The following GRK6 variants were observed in gnomAD, a reference collection of about 807,000 sequenced individuals.
GRK6 encodes G protein-coupled receptor kinase 6.
GRK6 carries 37 observed loss-of-function variants against 80.8 expected under a neutral mutation model. The ratio of observed to expected loss-of-function variants is 0.46; its 90% confidence interval spans 0.35 to 0.60. The LOEUF (loss-of-function observed/expected upper bound fraction) is 0.60, where lower values mean the gene tolerates loss of function less well. Among genes scored for constraint, GRK6 ranks in the 20% least tolerant of loss-of-function variants. The probability of loss-of-function intolerance (pLI) is 0.00; values close to 1 mark genes in which losing one functional copy is unlikely to be tolerated. For missense variants in GRK6, 560 were observed against 784.6 expected (o/e 0.71, Z 3.42); for synonymous variants, 295 against 320.9 (o/e 0.92, Z 0.86).
intron 1 of GRK6, 175 bp from the exon 2 acceptor site, chr5:177,430,697 C>T (rs539660863): frequency 3.9e-5 from 24 of 612,378 alleles, no homozygotes; most frequent in South Asian, 2.8e-4. Flanking sequence ...AGGAGAAGCA[C>T]GTGTGTCCTG....
intron 7 of GRK6, 46 bp from the exon 8 acceptor site, chr5:177,433,490 C>T: frequency 1.2e-6 from 2 of 1,612,546 alleles, no homozygotes; most frequent in Non-Finnish European, 1.7e-6. Context: ...GGATGCCCAG[C>T]AATGGCACAG....
intron 1 of GRK6, among the ~76,000 whole-genome samples, chr5:177,430,021 G>GTT (rs35292164): frequency 7.8e-4 from 114 of 146,896 alleles, no homozygotes; most frequent in African/African-American, 2.8e-3. Context: ...GCTGCAGTGA[G>GTT]TTTTTTTTTT....
intron 15 of GRK6, 75 bp downstream of exon 15, chr5:177,441,128 C>T: frequency 6.4e-7 from 1 of 1,568,750 alleles, no homozygotes; most frequent in Non-Finnish European, 8.7e-7. Flanking sequence ...AGAGCCGGTG[C>T]CCGCATGCGC....
At chr5:177,433,104 G>A (rs374127603) in intron 5 of GRK6, 43 bp from the exon 6 acceptor site, 2 of 1,542,426 alleles carry the variant, frequency 1.3e-6, no homozygotes, top group African/African-American at 2.7e-5. Context: ...AGCCTGAGGT[G>A]TCAGGGGCTG....
In GRK6 at chr5:177,428,312, T is replaced by C. The variant is rs1763752471; in HGVS notation, c.52+1415T>C. The stretch of plus-strand genomic sequence containing the variant: ...GATGGCACTGCCTGGCCGGAGAGTG[T>C]GGGTACCTTTGGACAAGCTTTGTCA... On this transcript the variant is annotated intron_variant, in intron 1 of 15. Coordinates refer to ENST00000355472, the MANE Select transcript of GRK6 (RefSeq NM_001004106.3). The surrounding 1 kb of genome is among the most constrained non-coding windows in gnomAD (Gnocchi z 4.1). Among the ~76,000 whole-genome samples the C allele has an allele frequency of 6.6e-6, 1 of 152,208 alleles. No homozygotes were observed. Among genetic ancestry groups the C allele is most frequent in the African/African-American group, 2.4e-5 (1 of 41,446 alleles).
At chr5:177,441,104 G>T in intron 15 of GRK6, 51 bp downstream of exon 15, 1 of 1,600,670 alleles carries the variant, frequency 6.2e-7, no homozygotes, top group Non-Finnish European at 8.5e-7. Context: ...TCCAGGGGAC[G>T]GTGGGTGGGA....
chr5:177,436,047 C>G (rs769733363), intron 11 of GRK6, 26 bp from the exon 12 acceptor site: 1 of 1,603,722 alleles, frequency 6.2e-7, no homozygotes, highest in African/African-American at 1.3e-5. Flanking sequence ...TCCTGCCCAG[C>G]CCTAACTCCC....
In GRK6 at chr5:177,433,618, G is replaced by C; in HGVS notation, c.680G>C (p.Gly227Ala). The C allele has an allele frequency of 1.2e-6, 2 of 1,614,162 alleles. No individual in the cohort carries two copies. Among genetic ancestry groups the C allele is most frequent in the Non-Finnish European group, 1.7e-6 (2 of 1,180,030 alleles). Reference sequence around the variant, plus strand: ...AAAAAGCGGATCAAGAAGCGGAAAGGGGAGGCCATGGCGCTGAACGAGAAG... The same window carrying C: ...AAAAAGCGGATCAAGAAGCGGAAAGCGGAGGCCATGGCGCTGAACGAGAAG... The part of the protein sequence containing the change: ...LEKKRIKKRK[G>A]EAMALNEKQI... Residue 227 changes from glycine (G) to alanine (A), a missense_variant, in exon 8 of 16, where the codon GGG becomes GCG. Coordinates refer to ENST00000355472, the MANE Select transcript of GRK6 (RefSeq NM_001004106.3).
Position 177,428,168 on chromosome 5 carries a change from G to A in GRK6, c.52+1271G>A, listed in dbSNP as rs746909593. ...GGGCTAGGCCTTCCTCCCAGCCTCT[G>A]GGGGCATCTGCCGATTCTGTTCTGC... On this transcript the variant is annotated intron_variant, in intron 1 of 15. Coordinates refer to ENST00000355472, the MANE Select transcript of GRK6 (RefSeq NM_001004106.3). The surrounding 1 kb of genome is among the most constrained non-coding windows in gnomAD (Gnocchi z 4.1). Among the ~76,000 whole-genome samples the A allele has an allele frequency of 8.5e-5, 13 of 152,236 alleles. No homozygotes were observed. The highest frequency in any genetic ancestry group is 5.9e-5 in the Non-Finnish European group (4 of 68,040).
rs747152000 is a variant in GRK6 at position 177,432,362 on chromosome 5, G to A, written c.339+52G>A. 1.0e-5 allele frequency: 16 copies of A among 1,536,734 alleles called. 1 individual carries two copies. The highest frequency in any genetic ancestry group is 1.4e-5 in the Non-Finnish European group (16 of 1,111,516). On this transcript the variant is annotated intron_variant, in intron 4 of 15. Coordinates refer to ENST00000355472, the MANE Select transcript of GRK6 (RefSeq NM_001004106.3). ...TGGGAGCCACCAGAGCCCCGTGTCA[G>A]GCACAGGAGTGACCACAGTGTCAGG...
intron 13 of GRK6, 39 bp from the exon 14 acceptor site, chr5:177,440,657 CGTGT>C: frequency 2.5e-6 from 4 of 1,606,178 alleles, no homozygotes; most frequent in Non-Finnish European, 3.4e-6. Flanking sequence ...TTCGCGTGTG[CGTGT>C]GTGTGTTTCC....
chr5:177,429,311 C>A lies in GRK6; in HGVS notation c.53-1561C>A, dbSNP rs756506142. 6.6e-6 allele frequency among the ~76,000 whole-genome samples: 1 copy of A among 152,058 alleles called. No homozygotes were observed. Among genetic ancestry groups the A allele is most frequent in the African/African-American group, 2.4e-5 (1 of 41,396 alleles). On this transcript the variant is annotated intron_variant, in intron 1 of 15. Coordinates refer to ENST00000355472, the MANE Select transcript of GRK6 (RefSeq NM_001004106.3). This position sits in a 1 kb window ranked among gnomAD's most constrained non-coding sequence, Gnocchi z 4.3. ...AGGGGACAGGGAGGGTGGGGAAGAG[C>A]TCCACTGACTGGGCAGCCCAGGACA...
At position 177,433,906 on chromosome 5, in the gene GRK6, G is replaced by A. The variant is rs780788481; in HGVS notation, c.739-8G>A. Reference sequence around the variant, plus strand: ...CCTGCCTGAGGGCTCGGGTCCCCTCGGCCACAGGTGAGCTTGGCCTACGCC... The same window carrying A: ...CCTGCCTGAGGGCTCGGGTCCCCTCAGCCACAGGTGAGCTTGGCCTACGCC... On this transcript the variant is annotated splice_region_variant and splice_polypyrimidine_tract_variant and intron_variant, in intron 8 of 15. Coordinates refer to ENST00000355472, the MANE Select transcript of GRK6 (RefSeq NM_001004106.3). 1.9e-6 allele frequency: 3 copies of A among 1,553,974 alleles called. No individual in the cohort carries two copies. The highest frequency in any genetic ancestry group is 1.2e-5 in the South Asian group (1 of 82,738).
Position 177,442,042 on chromosome 5 carries a change from T to G in GRK6, c.*252T>G. 3.6e-6 allele frequency: 2 copies of G among 550,994 alleles called. No individual in the cohort carries two copies. Among genetic ancestry groups the G allele is most frequent in the South Asian group, 4.7e-5 (2 of 43,004 alleles). The allele number at this position is 550,994 out of a possible 1,614,324, so 34.1% of individuals were successfully genotyped here. A position where few individuals can be genotyped will look rare whatever the true frequency, so the allele number is the denominator to read the frequency against. On this transcript the variant is annotated 3_prime_UTR_variant, in exon 16 of 16. Coordinates refer to ENST00000355472, the MANE Select transcript of GRK6 (RefSeq NM_001004106.3). Reference sequence around the variant, plus strand: ...GAGCTCGGGGCTTTCTGTATTTATGTATTTGTACGAATGTATATAGCGACC... The same window carrying G: ...GAGCTCGGGGCTTTCTGTATTTATGGATTTGTACGAATGTATATAGCGACC...
At chr5:177,431,671 C>T (rs765411336) in intron 2 of GRK6, 11 of 343,622 alleles carry the variant, frequency 3.2e-5, no homozygotes, top group Non-Finnish European at 4.9e-5. Flanking sequence ...CGGAACCTCA[C>T]GGACCGCACC....
rs1364435410 is a variant in GRK6, at chr5:177,441,049, G to A, written c.1673G>A (p.Arg558His). Residue 558 changes from arginine (R) to histidine (H), a missense_variant, in exon 15 of 16, where the codon CGC (arginine) becomes CAC (histidine). Transcript: ENST00000355472. ...KKGLLQRLFSRQDCCGNCSDS... is the reference protein window; with the variant it reads ...KKGLLQRLFSHQDCCGNCSDS... ...GGACTGCTGCAGAGACTCTTCAGTC[G>A]CCAAGTAAGCCCCAGCAGCGGCCTA... 6 of 1,613,436 alleles carry A rather than the reference G, an allele frequency of 3.7e-6. No homozygotes were observed. Among genetic ancestry groups the A allele is most frequent in the East Asian group, 2.2e-5 (1 of 44,870 alleles).
At chr5:177,434,186 C>T in intron 9 of GRK6, 82 bp downstream of exon 9, 2 of 1,341,358 alleles carry the variant, frequency 1.5e-6, no homozygotes, top group Non-Finnish European at 2.0e-6. Context: ...GTGGCCAAGG[C>T]TGCCGATCAG....
Position 177,430,226 on chromosome 5 carries a change from G to A in GRK6, c.53-646G>A, listed in dbSNP as rs554113908. On this transcript the variant is annotated intron_variant, in intron 1 of 15. Transcript: ENST00000355472. ...CCTGGTCATCTCACATCTGGCCCAC[G>A]TTTCCCACACCTGTTGGGCTCTGCA... 8.5e-5 allele frequency among the ~76,000 whole-genome samples: 13 copies of A among 152,288 alleles called. No individual in the cohort carries two copies. In the South Asian group the frequency reaches 1.0e-3, roughly 12 times the overall value.
chr5:177,436,665 G>A (rs1736069436), intron 13 of GRK6, 135 bp downstream of exon 13: 3 of 892,032 alleles, frequency 3.4e-6, no homozygotes, highest in Non-Finnish European at 5.0e-6. Flanking sequence ...CAGAAATAAA[G>A]ATAATTCACA....
Sources: gnomAD v4.1 joint callset for allele counts (sites outside exome capture counted in the v4.1 genomes callset) on GRCh38, gnomAD v4.1.1 for gene constraint, Gnocchi (gnomAD v3.1) non-coding constraint, MANE v1.5 for transcripts, NCBI Gene and HGNC (gene_info 2026-07-23, HGNC 2026-07-21) for gene names.